EYS: variants seen among roughly 807,000 people sequenced by gnomAD.
EYS encodes EGF-like photoreceptor maintenance factor.
EYS carries 250 observed loss-of-function variants against 282.1 expected under a neutral mutation model. That is an observed-to-expected ratio of 0.89 (90% CI 0.80 to 0.98). The LOEUF is 0.98. Ranked by LOEUF, EYS falls within the 50% of genes least tolerant of loss-of-function variation. The pLI is 0.00. For missense variants in EYS, 4,016 were observed against 3,709.0 expected (o/e 1.08, Z -2.15); for synonymous variants, 1,355 against 1,282.9 (o/e 1.06, Z -1.20).
chr6:64,724,239 A>G (rs1017239145), intron 22 of EYS, among the ~76,000 whole-genome samples: 6 of 152,016 alleles, frequency 3.9e-5, no homozygotes, highest in African/African-American at 9.7e-5. Context: ...AGAAAACCCA[A>G]TCTGCAGTGT....
At chr6:63,895,013 T>A (rs1272087837) in intron 35 of EYS, among the ~76,000 whole-genome samples, 2 of 152,026 alleles carry the variant, frequency 1.3e-5, no homozygotes, top group Non-Finnish European at 2.9e-5. Flanking sequence ...TGCCTGGCCG[T>A]CTTCTGTGGA....
intron 31 of EYS, among the ~76,000 whole-genome samples, chr6:64,169,431 G>GTTTTTTT (rs35657029): frequency 1.4e-5 from 2 of 140,962 alleles, no homozygotes; most frequent in African/African-American, 5.5e-5. Context: ...TTGAGGAGGA[G>GTTTTTTT]TTTTTTTTTT....
At chr6:64,426,187 T>A (rs1171228611) in intron 28 of EYS, among the ~76,000 whole-genome samples, 4 of 152,112 alleles carry the variant, frequency 2.6e-5, no homozygotes, top group Non-Finnish European at 4.4e-5. Context: ...AGACAGAAAA[T>A]TGGCTTTGTC....
intron 33 of EYS, among the ~76,000 whole-genome samples, chr6:64,050,445 C>G (rs1342842981): frequency 6.6e-6 from 1 of 152,140 alleles, no homozygotes; most frequent in African/African-American, 2.4e-5. Flanking sequence ...CTTATAGTAC[C>G]TGACTCATAG....
chr6:64,706,097 G>A lies in EYS; in HGVS notation c.3444-79852C>T, dbSNP rs1263175017. Among the ~76,000 whole-genome samples the A allele has an allele frequency of 4.0e-5, 6 of 150,682 alleles. No homozygotes were observed. The East Asian group carries it at 7.8e-4, about 19-fold the overall frequency. On this transcript the variant is annotated intron_variant, in intron 22 of 42. Transcript: ENST00000503581. ...ACTAAAAGGCCATAGTCACCAAAAC[G>A]GCATGATACTGGCACAAAAATAAGC...
At chr6:64,159,702 A>G (rs979705629) in intron 31 of EYS, among the ~76,000 whole-genome samples, 3 of 151,946 alleles carry the variant, frequency 2.0e-5, no homozygotes, top group Admixed American at 2.0e-4. Context: ...CTATCAACCA[A>G]CTATCAACTA....
At chr6:63,994,694 A>G (rs1471106774) in intron 34 of EYS, among the ~76,000 whole-genome samples, 1 of 151,952 alleles carries the variant, frequency 6.6e-6, no homozygotes, top group East Asian at 1.9e-4. Flanking sequence ...TCAAGAATCA[A>G]TTTGTTCAGC....
chr6:65,262,240 G>T (rs1767640487), intron 12 of EYS, among the ~76,000 whole-genome samples: 2 of 151,870 alleles, frequency 1.3e-5, no homozygotes, highest in African/African-American at 4.8e-5. Flanking sequence ...AAGAATCTTG[G>T]TACTATTGGT....
chr6:65,093,050 G>A (rs1774621265), intron 12 of EYS, among the ~76,000 whole-genome samples: 1 of 151,964 alleles, frequency 6.6e-6, no homozygotes, highest in Admixed American at 6.6e-5. Flanking sequence ...ATTAATAAGA[G>A]AAAAGTGACA....
chr6:64,906,389 A>G (rs764613528), intron 16 of EYS, among the ~76,000 whole-genome samples: 4 of 152,172 alleles, frequency 2.6e-5, no homozygotes, highest in Middle Eastern at 3.2e-3. Context: ...TTCTACAGCT[A>G]TTAACCTTAA....
chr6:65,661,667 G>C (rs914638061), intron 1 of EYS, among the ~76,000 whole-genome samples: 10 of 151,954 alleles, frequency 6.6e-5, no homozygotes, highest in African/African-American at 2.4e-4. Context: ...AGGAGGATAA[G>C]GCAAATTCTA....
Position 65,269,320 on chromosome 6 carries a change from G to T in EYS, c.2023+26543C>A, listed in dbSNP as rs140276506. Among the ~76,000 whole-genome samples the T allele has an allele frequency of 3.3e-5, 5 of 152,284 alleles. No homozygotes were observed. In the East Asian group the frequency reaches 9.6e-4, roughly 29 times the overall value. On this transcript the variant is annotated intron_variant, in intron 12 of 42. Coordinates refer to ENST00000503581, the MANE Select transcript of EYS (RefSeq NM_001142800.2). ...AGTTTAGGTATATGTGTGTGACTCA[G>T]ATTCTAGATATCACAGTGAGAGAAC...
intron 36 of EYS, among the ~76,000 whole-genome samples, chr6:63,856,284 C>T (rs954391369): frequency 6.6e-6 from 1 of 152,104 alleles, no homozygotes; most frequent in Non-Finnish European, 1.5e-5. Flanking sequence ...GACCAATTTG[C>T]CATAAGTATA....
chr6:64,044,972 T>C (rs976307998), intron 33 of EYS, among the ~76,000 whole-genome samples: 9 of 152,168 alleles, frequency 5.9e-5, no homozygotes, highest in African/African-American at 2.2e-4. Context: ...TGTAGAACAT[T>C]GTATATAGAA....
chr6:65,668,951 A>T (rs763990613), intron 1 of EYS, among the ~76,000 whole-genome samples: 15 of 151,948 alleles, frequency 9.9e-5, no homozygotes, highest in Non-Finnish European at 1.8e-4. Flanking sequence ...GGAAATAAAG[A>T]TCTGCAATTT....
chr6:64,901,120 C>A (rs1382606154), intron 18 of EYS, among the ~76,000 whole-genome samples: 1 of 151,746 alleles, frequency 6.6e-6, no homozygotes, highest in African/African-American at 2.4e-5. Context: ...AACCATCATT[C>A]TTTGCAAACT....
At chr6:63,864,145 T>C in intron 36 of EYS, 41 bp downstream of exon 36, 1 of 1,422,530 alleles carries the variant, frequency 7.0e-7, no homozygotes, top group Non-Finnish European at 9.3e-7. Flanking sequence ...TCTTCACCTC[T>C]TTCTGTCTGT....
intron 29 of EYS, among the ~76,000 whole-genome samples, chr6:64,325,130 C>T (rs1770362994): frequency 6.6e-6 from 1 of 152,208 alleles, no homozygotes; most frequent in South Asian, 2.1e-4. Context: ...AACCAGGAAT[C>T]CCAAGAAGAC....
intron 35 of EYS, among the ~76,000 whole-genome samples, chr6:63,929,387 A>G (rs1271363973): frequency 2.0e-5 from 3 of 152,182 alleles, no homozygotes; most frequent in Admixed American, 2.0e-4. Flanking sequence ...ACAGGAGAAG[A>G]AGCAACTGAT....
Sources: gnomAD v4.1 joint callset for allele counts (sites outside exome capture counted in the v4.1 genomes callset) on GRCh38, gnomAD v4.1.1 for gene constraint, MANE v1.5 for transcripts, NCBI Gene and HGNC (gene_info 2026-07-23, HGNC 2026-07-21) for gene names.